The following KLC1 variants were observed in gnomAD, a reference collection of about 807,000 sequenced individuals.
KLC1 encodes the protein kinesin light chain 1, also known as kinesin 2 60/70kDa.
KLC1 carries 30 observed loss-of-function variants against 84.2 expected under a neutral mutation model. The ratio of observed to expected loss-of-function variants is 0.36; its 90% confidence interval spans 0.27 to 0.48. The LOEUF (loss-of-function observed/expected upper bound fraction) is 0.48, where lower values mean the gene tolerates loss of function less well. KLC1 is among the 20% of genes least tolerant of loss of function. The probability of loss-of-function intolerance (pLI) is 0.99; values close to 1 mark genes in which losing one functional copy is unlikely to be tolerated. For synonymous variants in KLC1, 289 were observed against 293.3 expected (o/e 0.99, Z 0.15); for missense variants, 499 against 805.4 (o/e 0.62, Z 4.60).
At chr14:103,674,644 A>T (rs960332868) in intron 9 of KLC1, among the ~76,000 whole-genome samples, 2 of 152,014 alleles carry the variant, frequency 1.3e-5, no homozygotes, top group East Asian at 3.9e-4. Context: ...TGAACTCCTG[A>T]CCTCAGGTGA....
intron 1 of KLC1, among the ~76,000 whole-genome samples, chr14:103,641,042 A>T (rs928443476): frequency 6.6e-6 from 1 of 151,906 alleles, no homozygotes; most frequent in Non-Finnish European, 1.5e-5. Context: ...CTCCTGCCTC[A>T]GCCTCCCTAG....
intron 3 of KLC1, among the ~76,000 whole-genome samples, chr14:103,660,197 G>A (rs1416873929): frequency 6.6e-6 from 1 of 152,128 alleles, no homozygotes; most frequent in East Asian, 1.9e-4. Context: ...TTTAAAAGAT[G>A]TGGCTGGGCG....
intron 13 of KLC1, chr14:103,679,786 T>G: frequency 2.1e-6 from 1 of 466,920 alleles, no homozygotes; most frequent in South Asian, 3.8e-5. Context: ...AAATGCTGAT[T>G]GAGTGTCCTG....
chr14:103,698,379 C>G (rs929307146), intron 15 of KLC1: 4 of 251,676 alleles, frequency 1.6e-5, no homozygotes, highest in Non-Finnish European at 3.2e-5. Context: ...CTCGTGGGCA[C>G]GGTCCCAAGG....
At chr14:103,631,978 A>C (rs551436887) in intron 1 of KLC1, among the ~76,000 whole-genome samples, 2 of 152,324 alleles carry the variant, frequency 1.3e-5, no homozygotes, top group East Asian at 3.9e-4. Flanking sequence ...TTAAGTGTCA[A>C]ATTTCAGGGC....
chr14:103,699,393 A>G, intron 15 of KLC1: 1 of 1,611,466 alleles, frequency 6.2e-7, no homozygotes, highest in Non-Finnish European at 8.5e-7. Context: ...GGGCTCTGGA[A>G]GGCACTGCTC....
chr14:103,665,056 G>A (rs2079642916), intron 5 of KLC1, among the ~76,000 whole-genome samples: 2 of 151,556 alleles, frequency 1.3e-5, no homozygotes, highest in African/African-American at 4.8e-5. Flanking sequence ...GTGCGTAGAT[G>A]TTTGGGAAAA....
At chr14:103,700,155 C>G (rs1417479552) in intron 15 of KLC1, 1 of 202,538 alleles carries the variant, frequency 4.9e-6, no homozygotes, top group African/African-American at 2.3e-5. Flanking sequence ...TGGGAGACCA[C>G]CTGGGGGTCA....
intron 1 of KLC1, among the ~76,000 whole-genome samples, chr14:103,643,314 A>G (rs908700466): frequency 6.6e-6 from 1 of 152,108 alleles, no homozygotes; most frequent in Non-Finnish European, 1.5e-5. Flanking sequence ...TCCTAAGAGT[A>G]TGGAATGGGA....
chr14:103,685,330 C>G (rs971225709), intron 13 of KLC1: 1 of 1,278,988 alleles, frequency 7.8e-7, no homozygotes, highest in Admixed American at 3.5e-5. Flanking sequence ...CTTGTAAAGC[C>G]TTTTACACCA....
chr14:103,675,850 T>G (rs370037282), intron 11 of KLC1, 94 bp downstream of exon 11: 1 of 1,022,378 alleles, frequency 9.8e-7, no homozygotes, highest in South Asian at 1.4e-5. Flanking sequence ...CAATGTGTAG[T>G]GTTCCTTAAG....
At chr14:103,696,864 C>T (rs1267671615) in intron 15 of KLC1, 1 of 931,922 alleles carries the variant, frequency 1.1e-6, no homozygotes, top group African/African-American at 2.5e-5. Context: ...GTGGTGCCTC[C>T]CTAAGGGGAT....
chr14:103,663,073 A>T, intron 5 of KLC1, 146 bp downstream of exon 5: 1 of 538,712 alleles, frequency 1.9e-6, no homozygotes, highest in Non-Finnish European at 3.2e-6. Flanking sequence ...AATTAAAAAT[A>T]TTTAGCAAGC....
At chr14:103,637,880 A>G (rs1385745762) in intron 1 of KLC1, among the ~76,000 whole-genome samples, 1 of 152,038 alleles carries the variant, frequency 6.6e-6, no homozygotes, top group African/African-American at 2.4e-5. Flanking sequence ...TTGTAGAGAC[A>G]GGGTTTCATG....
chr14:103,671,596 C>G (rs1331199228), intron 7 of KLC1, among the ~76,000 whole-genome samples: 1 of 152,180 alleles, frequency 6.6e-6, no homozygotes, highest in Admixed American at 6.5e-5. Flanking sequence ...GCCAAGAACT[C>G]CTGACCTTAG....
At chr14:103,638,269 CTTTA>C (rs1036762225) in intron 1 of KLC1, among the ~76,000 whole-genome samples, 7 of 152,302 alleles carry the variant, frequency 4.6e-5, no homozygotes, top group African/African-American at 1.7e-4. Context: ...TTCATAGGAA[CTTTA>C]TTTAACACTT....
chr14:103,697,883 GGTCCTGCAGGTGGCCCTGCCAGGA>G (rs1382532450), intron 15 of KLC1: 1 of 147,258 alleles, frequency 6.8e-6, no homozygotes, highest in East Asian at 2.0e-4. Context: ...TGCAGGACAG[GGTCCTGCAGGTGGCCCTGCCAGGA>G]GTCCTGCCAT....
rs1466194352 is a variant in KLC1, at chr14:103,629,281, G to A, written c.-215G>A. The A allele has an allele frequency of 6.5e-6, 1 of 153,304 alleles. No homozygotes were observed. Among genetic ancestry groups the A allele is most frequent in the Non-Finnish European group, 1.4e-5 (1 of 69,034 alleles). 9.5% of individuals were successfully genotyped at this position (153,304 alleles called of 1,614,324 possible). ...GGGTCGGCTGGGCTGCTGGTGCGAG[G>A]AGCCGCGGGGCTGTGCTCGGCGGCC... On this transcript the variant is annotated 5_prime_UTR_variant, in exon 1 of 17. Coordinates refer to ENST00000334553, the MANE Select transcript of KLC1 (RefSeq NM_001394837.1).
chr14:103,700,689 G>A lies in KLC1; in HGVS notation c.1883G>A (p.Arg628Gln), dbSNP rs548689387. The A allele has an allele frequency of 1.7e-5, 28 of 1,606,814 alleles. No homozygotes were observed. The South Asian group carries it at 2.8e-4, about 16-fold the overall frequency. ...VSGRASFCGK[R>Q]QQQQWPGRRH... Reference sequence around the variant, plus strand: ...GGCCGAGCCTCTTTTTGTGGAAAACGACAGCAGCAGCAGTGGCCTGGAAGA... The same window carrying A: ...GGCCGAGCCTCTTTTTGTGGAAAACAACAGCAGCAGCAGTGGCCTGGAAGA... Residue 628 changes from arginine (R) to glutamine (Q), a missense_variant, in exon 16 of 17, where the codon CGA (arginine) becomes CAA (glutamine). Arg to Gln is a conservative substitution (Grantham distance 43, BLOSUM62 1). Transcript: ENST00000334553.
Sources: allele counts gnomAD v4.1 joint callset (sites outside exome capture counted in the v4.1 genomes callset), GRCh38; gene constraint gnomAD v4.1.1; transcripts MANE v1.5; gene names NCBI Gene and HGNC (gene_info 2026-07-23, HGNC 2026-07-21).